The following ROBO2 variants were observed in gnomAD, a reference collection of about 807,000 sequenced individuals.
ROBO2 encodes the protein roundabout guidance receptor 2.
A neutral mutation model predicts 160.8 loss-of-function variants in ROBO2; 53 were observed. The ratio of observed to expected loss-of-function variants is 0.33; its 90% CI spans 0.26 to 0.41. The LOEUF is 0.41. Among genes scored for constraint, ROBO2 ranks in the 10% least tolerant of loss-of-function variants. ROBO2 has a pLI of 1.00. For missense variants in ROBO2, 1,577 were observed against 1,722.4 expected, an observed-to-expected ratio of 0.92 and a Z score of 1.49; for synonymous variants, 664 against 611.7, an observed-to-expected ratio of 1.09 and a Z score of -1.26.
intron 2 of ROBO2, among the ~76,000 whole-genome samples, chr3:76,598,974 T>G (rs2086916399): frequency 6.6e-6 from 1 of 152,144 alleles, no homozygotes; most frequent in Non-Finnish European, 1.5e-5. Flanking sequence ...CTGACTGTCA[T>G]TAAACACTTC....
intron 2 of ROBO2, among the ~76,000 whole-genome samples, chr3:77,188,696 A>G (rs1278344640): frequency 6.6e-6 from 1 of 151,864 alleles, no homozygotes; most frequent in Non-Finnish European, 1.5e-5. Flanking sequence ...GTTTTCTCAT[A>G]TACTGTTACA....
chr3:76,460,855 T>G (rs2078047228), intron 2 of ROBO2, among the ~76,000 whole-genome samples: 1 of 152,184 alleles, frequency 6.6e-6, no homozygotes, highest in Non-Finnish European at 1.5e-5. Context: ...TGTAGATATC[T>G]AAGAAAAATA....
At chr3:77,426,020 G>A (rs1340455037) in intron 2 of ROBO2, among the ~76,000 whole-genome samples, 2 of 152,082 alleles carry the variant, frequency 1.3e-5, no homozygotes, top group Non-Finnish European at 2.9e-5. Flanking sequence ...GCCAAGGAGT[G>A]CATGACCCAG....
intron 5 of ROBO2, among the ~76,000 whole-genome samples, chr3:77,520,180 T>A (rs1256418248): frequency 2.0e-5 from 3 of 151,398 alleles, no homozygotes; most frequent in African/African-American, 7.3e-5. Context: ...AATATGAAAT[T>A]ATTTTTGTCC....
At chr3:77,257,920 T>C (rs985096871) in intron 2 of ROBO2, among the ~76,000 whole-genome samples, 10 of 152,240 alleles carry the variant, frequency 6.6e-5, no homozygotes, top group African/African-American at 1.4e-4. Flanking sequence ...TTTTAACCTA[T>C]CTGATAAGGA....
chr3:76,915,938 G>A (rs1297983635), intron 2 of ROBO2, among the ~76,000 whole-genome samples: 3 of 152,148 alleles, frequency 2.0e-5, no homozygotes. Flanking sequence ...TCCTCATACA[G>A]TGGAGAACAG....
At chr3:75,924,980 G>A (rs540538806) in intron 1 of ROBO2, among the ~76,000 whole-genome samples, 4 of 151,738 alleles carry the variant, frequency 2.6e-5, no homozygotes, top group Admixed American at 1.3e-4. Flanking sequence ...GAGCCACCGC[G>A]CCGGCCGGGA....
chr3:77,533,809 A>T (rs145037333), intron 6 of ROBO2, among the ~76,000 whole-genome samples: 23 of 152,196 alleles, frequency 1.5e-4, no homozygotes, highest in African/African-American at 5.3e-4. Flanking sequence ...TTGTAACCTA[A>T]TATAATCATG....
intron 24 of ROBO2, among the ~76,000 whole-genome samples, chr3:77,638,057 C>T (rs907801227): frequency 1.3e-5 from 2 of 152,138 alleles, no homozygotes; most frequent in Non-Finnish European, 2.9e-5. Context: ...AGTGCTTAAT[C>T]CAAAGCCATT....
intron 2 of ROBO2, among the ~76,000 whole-genome samples, chr3:76,018,740 TC>T (rs1190639574): frequency 1.3e-5 from 2 of 151,948 alleles, no homozygotes; most frequent in Non-Finnish European, 2.9e-5. Context: ...TCTCTGAAGT[TC>T]CATGCGTATC....
chr3:75,912,386 G>C (rs1946635190), intron 1 of ROBO2, among the ~76,000 whole-genome samples: 2 of 152,158 alleles, frequency 1.3e-5, no homozygotes, highest in Non-Finnish European at 2.9e-5. Context: ...ATAATGGAGG[G>C]TTGAGAAGTG....
chr3:76,248,303 A>C (rs577750596), intron 2 of ROBO2, among the ~76,000 whole-genome samples: 2 of 152,192 alleles, frequency 1.3e-5, no homozygotes, highest in Admixed American at 6.5e-5. Context: ...ATGGAATACT[A>C]TGCAGCCATA....
intron 2 of ROBO2, among the ~76,000 whole-genome samples, chr3:76,084,239 T>A (rs2068932729): frequency 6.6e-6 from 1 of 152,088 alleles, no homozygotes; most frequent in African/African-American, 2.4e-5. Context: ...TTGTGTACGC[T>A]CTTCATATGA....
rs1559566774 is a variant in ROBO2, at chr3:76,119,924, T to TCCTCCCTC, written c.109+182325_109+182326insCCCTCCCT. The stretch of plus-strand genomic sequence containing the variant: ...CCCTTCCTTCCCTCCCTCCCTTCCT[T>TCCTCCCTC]CCTTCCTTCCTTCCTTCCTTCCTTC... On this transcript the variant is annotated intron_variant, in intron 2 of 26. Transcript: ENST00000487694. Among the ~76,000 whole-genome samples the TCCTCCCTC allele has an allele frequency of 2.2e-4, 11 of 50,688 alleles. 1 individual carries two copies. The highest frequency in any genetic ancestry group is 6.6e-4 in the African/African-American group (9 of 13,628). The allele number at this position is 50,688 out of a possible 152,430, so 33.3% of individuals were successfully genotyped here. A position where few individuals can be genotyped will look rare whatever the true frequency, so the allele number is the denominator to read the frequency against.
rs182934804 is a variant in ROBO2 at position 76,173,097 on chromosome 3, C to T, written c.109+235495C>T. 1.0e-4 allele frequency among the ~76,000 whole-genome samples: 15 copies of T among 147,888 alleles called. No homozygotes were observed. The East Asian group carries it at 1.6e-3, about 15-fold the overall frequency. On this transcript the variant is annotated intron_variant, in intron 2 of 26. Transcript: ENST00000487694. ...TGATGGGCATTACAGTAGAGAATTA[C>T]GTGCATTTCATTTTGAGCATAACTA... is the stretch of plus-strand genomic sequence containing the variant.
chr3:76,259,256 CA>C (rs1265010393), intron 2 of ROBO2, among the ~76,000 whole-genome samples: 3 of 151,970 alleles, frequency 2.0e-5, no homozygotes, highest in Admixed American at 6.6e-5. Context: ...TCAGAAATTA[CA>C]GTAAATTAAA....
chr3:77,045,780 C>T (rs1338589069), intron 1 of ROBO2, among the ~76,000 whole-genome samples: 1 of 152,170 alleles, frequency 6.6e-6, no homozygotes, highest in Non-Finnish European at 1.5e-5. Context: ...ACCATCCCTC[C>T]ACCAACCACA....
chr3:76,123,141 C>T (rs1441690145), intron 2 of ROBO2, among the ~76,000 whole-genome samples: 1 of 152,020 alleles, frequency 6.6e-6, no homozygotes, highest in Non-Finnish European at 1.5e-5. Context: ...TGAGCTCTTG[C>T]CTGGCATTCT....
At chr3:76,990,060 A>T (rs12631057) in intron 2 of ROBO2, among the ~76,000 whole-genome samples, 44,183 of 149,520 alleles carry the variant, frequency 0.3, 6,963 homozygotes, top group East Asian at 0.65. Flanking sequence ...AGTAACTTGT[A>T]TTATGAAAGC....
Sources: gnomAD v4.1 joint callset for allele counts (sites outside exome capture counted in the v4.1 genomes callset) on GRCh38, gnomAD v4.1.1 for gene constraint, MANE v1.5 for transcripts, NCBI Gene and HGNC (gene_info 2026-07-23, HGNC 2026-07-21) for gene names.